Variants in LARS2 observed in about 807,000 individuals in gnomAD.
LARS2 encodes leucine--tRNA ligase, mitochondrial.
A neutral mutation model predicts 116.6 loss-of-function variants in LARS2; 81 were observed. The ratio of observed to expected loss-of-function variants is 0.69; its 90% CI spans 0.58 to 0.84. The LOEUF is 0.84. Among genes scored for constraint, LARS2 ranks in the 40% least tolerant of loss-of-function variants. LARS2 has a pLI of 0.00. For missense variants in LARS2, 968 were observed against 1,114.5 expected (o/e 0.87, Z 1.87); for synonymous variants, 396 against 407.2 (o/e 0.97, Z 0.33).
At chr3:45,391,495 A>C (rs574452203) in intron 1 of LARS2, 88 bp from the exon 2 acceptor site, 5 of 151,782 alleles carry the variant, frequency 3.3e-5, no homozygotes, top group Admixed American at 1.3e-4. Flanking sequence ...AAAAAAAAAA[A>C]AACAAAATCC....
In LARS2 at chr3:45,533,141, C is replaced by CTTTTTTTT. The variant is rs3085466; in HGVS notation, c.2405-8668_2405-8661dup. 1.3e-3 allele frequency among the ~76,000 whole-genome samples: 64 copies of CTTTTTTTT among 51,022 alleles called. 17 individuals are homozygous for CTTTTTTTT. The highest frequency in any genetic ancestry group is 0.019 in the Middle Eastern group (1 of 54). 33.5% of individuals were successfully genotyped at this position (51,022 alleles called of 152,430 possible). On this transcript the variant is annotated intron_variant, in intron 20 of 21. Transcript: ENST00000645846. Reference sequence around the variant, plus strand: ...TTTAGCTTTGGTGGTCACATTAAGTCTTTTTTTTTTTTTTTTTTTTTTTTT... The same window carrying CTTTTTTTT: ...TTTAGCTTTGGTGGTCACATTAAGTCTTTTTTTTTTTTTTTTTTTTTTTTTTTTTTTTT...
intron 6 of LARS2, among the ~76,000 whole-genome samples, chr3:45,425,918 T>C (rs1014932788): frequency 6.8e-6 from 1 of 146,680 alleles, no homozygotes; most frequent in Admixed American, 6.9e-5. Flanking sequence ...TTTTCTTTTC[T>C]TTTCTTTTTT....
At chr3:45,520,116 C>T (rs768358460) in intron 18 of LARS2, 103 bp from the exon 19 acceptor site, 9 of 739,600 alleles carry the variant, frequency 1.2e-5, no homozygotes, top group Non-Finnish European at 2.2e-5. Context: ...AATATCTTTG[C>T]ATCCCATTCA....
intron 15 of LARS2, among the ~76,000 whole-genome samples, chr3:45,501,458 A>G (rs1327133487): frequency 6.6e-6 from 1 of 151,996 alleles, no homozygotes; most frequent in Non-Finnish European, 1.5e-5. Context: ...TCCTCACTCA[A>G]CAGTTTTTTG....
chr3:45,508,509 G>C (rs1370611410), intron 15 of LARS2, among the ~76,000 whole-genome samples: 1 of 152,068 alleles, frequency 6.6e-6, no homozygotes, highest in Admixed American at 6.6e-5. Context: ...GAACAAGGAA[G>C]AAGAGGAAGG....
chr3:45,516,373 T>A, intron 17 of LARS2, 97 bp downstream of exon 17: 2 of 1,186,818 alleles, frequency 1.7e-6, no homozygotes, highest in Non-Finnish European at 2.4e-6. Flanking sequence ...AAGACAGTGG[T>A]AGAGAATTCT....
chr3:45,425,063 A>AT (rs1228014291), intron 6 of LARS2, among the ~76,000 whole-genome samples: 8 of 150,220 alleles, frequency 5.3e-5, no homozygotes, highest in Non-Finnish European at 8.9e-5. Flanking sequence ...TTCAGTTCCC[A>AT]TTTTTTTTCT....
chr3:45,450,585 G>A (rs1260480754), intron 7 of LARS2, among the ~76,000 whole-genome samples: 1 of 152,164 alleles, frequency 6.6e-6, no homozygotes, highest in Non-Finnish European at 1.5e-5. Flanking sequence ...ATTCCATAGT[G>A]TGTATATACC....
In LARS2 at chr3:45,463,345, G is replaced by A. The variant is rs59678254; in HGVS notation, c.750+4459G>A. Among the ~76,000 whole-genome samples, 1,351 of 152,354 alleles carry A rather than the reference G, an allele frequency of 8.9e-3. 17 individuals carry two copies. Among genetic ancestry groups the A allele is most frequent in the African/African-American group, 0.022 (933 of 41,568 alleles). On this transcript the variant is annotated intron_variant, in intron 8 of 21. Coordinates refer to ENST00000645846, the MANE Select transcript of LARS2 (RefSeq NM_015340.4). ...CCTCCTTGGTGTTAAATGGACATAA[G>A]CATGCCTTCATGGTGCTTAGTCAAC...
intron 4 of LARS2, among the ~76,000 whole-genome samples, chr3:45,403,130 A>AAAAAAAAAAAAAAAT (rs1456792064): frequency 4.7e-5 from 7 of 150,298 alleles, no homozygotes; most frequent in African/African-American, 1.7e-4. Context: ...AAAAAAAAAA[A>AAAAAAAAAAAAAAAT]AGAAAGATGT....
chr3:45,547,370 G>T lies in LARS2; in HGVS notation c.2552G>T (p.Gly851Val), dbSNP rs778819835. 1 of 1,609,334 alleles carries T rather than the reference G, an allele frequency of 6.2e-7. No individual in the cohort carries two copies. Among genetic ancestry groups the T allele is most frequent in the Non-Finnish European group, 8.5e-7 (1 of 1,178,514 alleles). Residue 851 changes from glycine to valine, a missense_variant, in exon 22 of 22, where the codon GGC becomes GTC. Coordinates refer to ENST00000645846, the MANE Select transcript of LARS2 (RefSeq NM_015340.4). ...MAVLINNKACGKIPVPQQVAR... is the reference protein window; with the variant it reads ...MAVLINNKACVKIPVPQQVAR... ...TCTCAGATCAACAATAAAGCTTGTG[G>T]CAAAATTCCTGTGCCCCAACAAGTT...
chr3:45,522,525 G>A (rs1341623400), intron 19 of LARS2, among the ~76,000 whole-genome samples: 1 of 152,216 alleles, frequency 6.6e-6, no homozygotes, highest in African/African-American at 2.4e-5. Context: ...GAGGTCAGGA[G>A]TTCAACACCA....
chr3:45,448,124 T>A (rs1397170324), intron 7 of LARS2, among the ~76,000 whole-genome samples: 1 of 151,998 alleles, frequency 6.6e-6, no homozygotes, highest in Non-Finnish European at 1.5e-5. Context: ...CTCAAGACGG[T>A]GAGGTAAGAG....
chr3:45,502,662 C>T (rs1285787772), intron 15 of LARS2, among the ~76,000 whole-genome samples: 5 of 152,100 alleles, frequency 3.3e-5, no homozygotes, highest in African/African-American at 9.7e-5. Context: ...CCGCCTGCCT[C>T]GGCCTCCCGA....
At chr3:45,503,879 T>C (rs1424979521) in intron 15 of LARS2, among the ~76,000 whole-genome samples, 3 of 152,090 alleles carry the variant, frequency 2.0e-5, no homozygotes, top group South Asian at 2.1e-4. Context: ...TCTCCCTCCC[T>C]GCACGCCACT....
At chr3:45,402,363 A>T (rs1698168284) in intron 4 of LARS2, among the ~76,000 whole-genome samples, 1 of 152,230 alleles carries the variant, frequency 6.6e-6, no homozygotes, top group African/African-American at 2.4e-5. Context: ...TCACCTTGGC[A>T]GCTTGAAATC....
intron 20 of LARS2, among the ~76,000 whole-genome samples, chr3:45,537,672 G>A (rs974586733): frequency 2.6e-5 from 4 of 152,182 alleles, no homozygotes; most frequent in Admixed American, 2.0e-4. Context: ...AGCAGGGATC[G>A]GACGCCGCAG....
chr3:45,463,231 G>A (rs1054588315), intron 8 of LARS2, among the ~76,000 whole-genome samples: 16 of 152,246 alleles, frequency 1.1e-4, no homozygotes, highest in African/African-American at 3.9e-4. Flanking sequence ...TTCTCTATTA[G>A]AGTTGTGATT....
intron 4 of LARS2, among the ~76,000 whole-genome samples, chr3:45,417,135 ATG>A (rs373432873): frequency 5.3e-5 from 8 of 150,592 alleles, no homozygotes; most frequent in East Asian, 1.9e-4. Flanking sequence ...CCTATACATT[ATG>A]TGTGTGTGTG....
Sources: allele counts gnomAD v4.1 joint callset (sites outside exome capture counted in the v4.1 genomes callset), GRCh38; gene constraint gnomAD v4.1.1; transcripts MANE v1.5; gene names NCBI Gene and HGNC (gene_info 2026-07-23, HGNC 2026-07-21).